The following SUCO variants were observed in gnomAD, a reference collection of about 807,000 sequenced individuals.
SUCO encodes SUN domain containing ossification factor.
SUCO carries 57 observed loss-of-function variants against 148.1 expected under a neutral mutation model. That is an observed-to-expected ratio of 0.38 (90% CI 0.31 to 0.48). The LOEUF (loss-of-function observed/expected upper bound fraction) is 0.48, where lower values mean the gene tolerates loss of function less well. Ranked by LOEUF, SUCO falls within the 20% of genes least tolerant of loss-of-function variation. SUCO has a pLI of 0.96. For missense variants in SUCO, 1,331 were observed against 1,468.2 expected, an observed-to-expected ratio of 0.91 and a Z score of 1.53; for synonymous variants, 470 against 502.7, an observed-to-expected ratio of 0.93 and a Z score of 0.87.
intron 1 of SUCO, among the ~76,000 whole-genome samples, chr1:172,548,223 A>T (rs1013949361): frequency 1.3e-5 from 2 of 151,698 alleles, no homozygotes; most frequent in Non-Finnish European, 2.9e-5. Context: ...ATATATTGTT[A>T]TATATAGTTT....
chr1:172,607,455 C>T (rs1272782666), intron 22 of SUCO, among the ~76,000 whole-genome samples: 1 of 151,522 alleles, frequency 6.6e-6, no homozygotes, highest in Admixed American at 6.6e-5. Flanking sequence ...TATCTTATTA[C>T]ACTAAACTTT....
In SUCO at chr1:172,590,125, A is replaced by G. The variant is rs151228085; in HGVS notation, c.2825+199A>G. On this transcript the variant is annotated intron_variant, in intron 18 of 23. Transcript: ENST00000263688. ...AATTGATTTTTTGTTTTTAATTTTA[A>G]AAGTACTTTCCAGTGACAAAACACT... Among the ~76,000 whole-genome samples the G allele has an allele frequency of 3.3e-4, 51 of 152,240 alleles. No homozygotes were observed. In the East Asian group the frequency reaches 8.9e-3, roughly 26 times the overall value.
At chr1:172,575,169 A>G (rs1406249513) in intron 10 of SUCO, among the ~76,000 whole-genome samples, 1 of 151,962 alleles carries the variant, frequency 6.6e-6, no homozygotes, top group Non-Finnish European at 1.5e-5. Context: ...TTGTATTTAT[A>G]CTTTACATTA....
chr1:172,609,611 GT>G, intron 23 of SUCO: 1 of 985,150 alleles, frequency 1.0e-6, no homozygotes, highest in South Asian at 4.7e-5. Context: ...AATTTAAAGA[GT>G]TTTGATTCAG....
chr1:172,543,232 C>T (rs1021694925), intron 1 of SUCO, among the ~76,000 whole-genome samples: 5 of 152,212 alleles, frequency 3.3e-5, no homozygotes, highest in African/African-American at 1.2e-4. Context: ...CTGACCCACA[C>T]TTACTGTTGT....
At chr1:172,599,674 T>A (rs35087768) in intron 19 of SUCO, among the ~76,000 whole-genome samples, 4 of 152,224 alleles carry the variant, frequency 2.6e-5, no homozygotes, top group Non-Finnish European at 5.9e-5. Flanking sequence ...TTCAGAAAAT[T>A]TTCAATTTGT....
Position 172,534,995 on chromosome 1 carries a change from A to G in SUCO, c.62+1498A>G, listed in dbSNP as rs371279190. Among the ~76,000 whole-genome samples, 3 of 152,320 alleles carry G rather than the reference A, an allele frequency of 2.0e-5. No individual in the cohort carries two copies. In the East Asian group the frequency reaches 5.8e-4, roughly 29 times the overall value. On this transcript the variant is annotated intron_variant, in intron 1 of 23. Coordinates refer to ENST00000263688, the MANE Select transcript of SUCO (RefSeq NM_014283.5). ...TTTTTAATTGGATGGTGTAAACGAA[A>G]TCAAGCAATAGAATGTGATTCTTAC...
intron 19 of SUCO, among the ~76,000 whole-genome samples, chr1:172,592,724 T>A (rs1283002461): frequency 6.6e-6 from 1 of 152,220 alleles, no homozygotes. Flanking sequence ...GCCTCCAGCT[T>A]TGTTCTTTTT....
intron 1 of SUCO, chr1:172,543,039 T>TAAA: frequency 3.6e-6 from 3 of 825,774 alleles, no homozygotes; most frequent in Non-Finnish European, 4.3e-6. Context: ...GAAGAGTACA[T>TAAA]AAAAAAAAAA....
At chr1:172,549,917 T>G (rs1261036742) in intron 1 of SUCO, among the ~76,000 whole-genome samples, 1 of 151,110 alleles carries the variant, frequency 6.6e-6, no homozygotes, top group Non-Finnish European at 1.5e-5. Flanking sequence ...AGAAATACAG[T>G]TTCTAAAATG....
chr1:172,589,293 A>C lies in SUCO; in HGVS notation c.2192A>C (p.Gln731Pro). ...LEPSHSQTLS[Q>P]SLLLDITPEI... ...CCAAGCCATTCTCAAACTCTTTCTC[A>C]GTCTCTTCTTTTAGATATTACCCCA... The change falls in exon 18 of 24, where the codon CAG becomes CCG. Residue 731 changes from glutamine (Q) to proline (P), a missense_variant. Around this residue, in one of 3 missense-constraint regions of SUCO, gnomAD observed 992 missense variants for 1,093.5 expected, o/e 0.91. Coordinates refer to ENST00000263688, the MANE Select transcript of SUCO (RefSeq NM_014283.5). The C allele has an allele frequency of 6.2e-7, 1 of 1,613,586 alleles. No homozygotes were observed. The highest frequency in any genetic ancestry group is 8.5e-7 in the Non-Finnish European group (1 of 1,179,786).
chr1:172,588,287 G>A (rs926942868), intron 17 of SUCO: 2 of 985,180 alleles, frequency 2.0e-6, no homozygotes, highest in South Asian at 4.7e-5. Flanking sequence ...AGTACAAAGT[G>A]CACTCATAAA....
At chr1:172,587,610 C>A (rs932768662) in intron 17 of SUCO, among the ~76,000 whole-genome samples, 2 of 151,816 alleles carry the variant, frequency 1.3e-5, no homozygotes, top group East Asian at 1.9e-4. Context: ...TTTTTATTTA[C>A]CGAAGTGTAG....
chr1:172,588,003 G>T (rs1472146208), intron 17 of SUCO: 1 of 759,158 alleles, frequency 1.3e-6, no homozygotes, highest in African/African-American at 1.9e-5. Flanking sequence ...AATATTAATA[G>T]TGGCACTAGT....
intron 10 of SUCO, chr1:172,574,836 A>T: frequency 1.0e-6 from 1 of 964,436 alleles, no homozygotes; most frequent in South Asian, 4.8e-5. Flanking sequence ...CTGCATATAT[A>T]CAGTTTTTGA....
intron 1 of SUCO, among the ~76,000 whole-genome samples, chr1:172,535,601 A>T (rs1292163689): frequency 6.6e-6 from 1 of 152,218 alleles, no homozygotes; most frequent in Non-Finnish European, 1.5e-5. Flanking sequence ...ATTCCCTTTA[A>T]CAGAAATGGC....
intron 6 of SUCO, among the ~76,000 whole-genome samples, chr1:172,567,492 A>T (rs1342037521): frequency 6.6e-6 from 1 of 152,144 alleles, no homozygotes; most frequent in Non-Finnish European, 1.5e-5. Flanking sequence ...AAGTATAAAT[A>T]ATATATATTA....
intron 3 of SUCO, among the ~76,000 whole-genome samples, chr1:172,553,975 G>A (rs1653521409): frequency 6.6e-6 from 1 of 152,072 alleles, no homozygotes; most frequent in African/African-American, 2.4e-5. Context: ...TTATCTGTAG[G>A]CAGAAGGACT....
chr1:172,541,050 T>C (rs1287218280), intron 1 of SUCO, among the ~76,000 whole-genome samples: 2 of 152,124 alleles, frequency 1.3e-5, no homozygotes, highest in Non-Finnish European at 2.9e-5. Context: ...TACAATTGGC[T>C]TTCCACATCC....
Sources: allele counts gnomAD v4.1 joint callset (sites outside exome capture counted in the v4.1 genomes callset), GRCh38; gene constraint gnomAD v4.1.1; regional missense constraint gnomAD v4.1.1; transcripts MANE v1.5; gene names NCBI Gene and HGNC (gene_info 2026-07-23, HGNC 2026-07-21).